Variants in RALGAPA1 observed in about 807,000 individuals in gnomAD.
RALGAPA1 encodes the protein ral GTPase-activating protein subunit alpha-1.
RALGAPA1 carries 52 observed loss-of-function variants against 269.6 expected under a neutral mutation model. That is an observed-to-expected ratio of 0.19 (90% confidence interval 0.15 to 0.24). The LOEUF (loss-of-function observed/expected upper bound fraction) is 0.24. RALGAPA1 is among the 10% of genes least tolerant of loss of function. The pLI is 1.00. For synonymous variants in RALGAPA1, 817 were observed against 1,008.3 expected, an observed-to-expected ratio of 0.81 and a Z score of 3.60; for missense variants, 1,917 against 3,013.9, an observed-to-expected ratio of 0.64 and a Z score of 8.52.
chr14:35,673,254 T>C (rs1340211345), intron 24 of RALGAPA1, among the ~76,000 whole-genome samples: 1 of 152,170 alleles, frequency 6.6e-6, no homozygotes, highest in Non-Finnish European at 1.5e-5. Flanking sequence ...ATATCAATAC[T>C]TAAAATAATT....
At chr14:35,797,351 C>CAA (rs530576211) in intron 1 of RALGAPA1, among the ~76,000 whole-genome samples, 5 of 60,118 alleles carry the variant, frequency 8.3e-5, no homozygotes, top group African/African-American at 1.5e-4. Context: ...GACTCCGTCT[C>CAA]AAAAAAAAAA....
At chr14:35,600,060 C>T (rs151196790) in intron 36 of RALGAPA1, among the ~76,000 whole-genome samples, 225 of 151,602 alleles carry the variant, frequency 1.5e-3, no homozygotes, top group African/African-American at 5.2e-3. Flanking sequence ...GCACTTTCTT[C>T]AAGTATTTCC....
chr14:35,769,502 A>G (rs1183372829), intron 4 of RALGAPA1, among the ~76,000 whole-genome samples: 4 of 152,210 alleles, frequency 2.6e-5, no homozygotes, highest in Non-Finnish European at 5.9e-5. Context: ...CCTGGGTGAC[A>G]GGATCAGTCA....
At chr14:35,754,089 C>T (rs1217016009) in intron 7 of RALGAPA1, among the ~76,000 whole-genome samples, 3 of 152,082 alleles carry the variant, frequency 2.0e-5, no homozygotes, top group African/African-American at 7.2e-5. Flanking sequence ...GCTCATACAT[C>T]AGAATTAGCT....
intron 8 of RALGAPA1, among the ~76,000 whole-genome samples, chr14:35,751,446 C>T (rs1010623816): frequency 4.0e-5 from 6 of 151,882 alleles, no homozygotes; most frequent in Non-Finnish European, 7.4e-5. Flanking sequence ...GGTGGGCTAA[C>T]TTTTATAATT....
chr14:35,714,444 A>C (rs1382045768), intron 16 of RALGAPA1, among the ~76,000 whole-genome samples: 1 of 152,202 alleles, frequency 6.6e-6, no homozygotes, highest in Non-Finnish European at 1.5e-5. Context: ...AGAAATGTCC[A>C]TTCAAATCCT....
At chr14:35,708,179 C>T (rs1188950239) in intron 16 of RALGAPA1, among the ~76,000 whole-genome samples, 1 of 152,016 alleles carries the variant, frequency 6.6e-6, no homozygotes, top group Non-Finnish European at 1.5e-5. Flanking sequence ...TTTGGGGAAA[C>T]TCTCCAGGAC....
intron 27 of RALGAPA1, among the ~76,000 whole-genome samples, chr14:35,661,767 T>C (rs1007151837): frequency 2.0e-5 from 3 of 152,158 alleles, no homozygotes; most frequent in African/African-American, 7.2e-5. Flanking sequence ...GTCCAATTGA[T>C]AGGAATTTGA....
At chr14:35,753,593 CT>C (rs2072921800) in intron 7 of RALGAPA1, among the ~76,000 whole-genome samples, 1 of 152,118 alleles carries the variant, frequency 6.6e-6, no homozygotes, top group Non-Finnish European at 1.5e-5. Flanking sequence ...TCAATAAAGA[CT>C]ACATATTGTA....
chr14:35,605,160 T>A (rs1341637817), intron 36 of RALGAPA1, among the ~76,000 whole-genome samples: 1 of 152,112 alleles, frequency 6.6e-6, no homozygotes, highest in Non-Finnish European at 1.5e-5. Context: ...ACAAAGTAAA[T>A]GAGAGACAAG....
intron 27 of RALGAPA1, 58 bp downstream of exon 27, chr14:35,664,584 A>C: frequency 1.5e-6 from 2 of 1,365,694 alleles, no homozygotes; most frequent in South Asian, 2.6e-5. Flanking sequence ...ATTTTATTGC[A>C]TATACTTTAT....
chr14:35,791,346 A>G (rs778681016), intron 1 of RALGAPA1, among the ~76,000 whole-genome samples: 3 of 152,138 alleles, frequency 2.0e-5, no homozygotes, highest in Non-Finnish European at 4.4e-5. Flanking sequence ...TTAAAAAGGT[A>G]TAATCCCAGC....
Position 35,663,437 on chromosome 14 carries a change from A to C in RALGAPA1, c.5328+1205T>G, listed in dbSNP as rs563010425. Among the ~76,000 whole-genome samples, 21 of 152,114 alleles carry C rather than the reference A, an allele frequency of 1.4e-4. 1 individual carries two copies. The highest frequency in any genetic ancestry group is 1.0e-3 in the South Asian group (5 of 4,816). ...CAAGTTTTAAAAAAAACAAAAACAA[A>C]AAAAAAAACACATCTGCTTAGCCCC... On this transcript the variant is annotated intron_variant, in intron 27 of 41. Coordinates refer to ENST00000680220, the MANE Select transcript of RALGAPA1 (RefSeq NM_001346249.2).
At chr14:35,786,623 A>AAAAAAAC (rs1357870581) in intron 1 of RALGAPA1, among the ~76,000 whole-genome samples, 6 of 152,154 alleles carry the variant, frequency 3.9e-5, no homozygotes, top group Non-Finnish European at 7.4e-5. Flanking sequence ...TCCGTCTCAA[A>AAAAAAAC]AAAAAACAAA....
chr14:35,713,041 A>G (rs1435528070), intron 16 of RALGAPA1, among the ~76,000 whole-genome samples: 1 of 152,230 alleles, frequency 6.6e-6, no homozygotes, highest in Non-Finnish European at 1.5e-5. Flanking sequence ...TTTCAATTTT[A>G]TCCCAAGAGC....
At chr14:35,575,718 C>T (rs2057512305) in intron 37 of RALGAPA1, among the ~76,000 whole-genome samples, 1 of 152,118 alleles carries the variant, frequency 6.6e-6, no homozygotes, top group African/African-American at 2.4e-5. Flanking sequence ...CCTCAGCTTC[C>T]CAAGTAGCTG....
intron 10 of RALGAPA1, among the ~76,000 whole-genome samples, chr14:35,743,456 G>C (rs2071757997): frequency 6.6e-6 from 1 of 152,076 alleles, no homozygotes; most frequent in Admixed American, 6.6e-5. Flanking sequence ...TCTTACAAAG[G>C]TCAATATAAA....
chr14:35,758,622 C>G (rs1482820693), intron 6 of RALGAPA1, among the ~76,000 whole-genome samples: 7 of 152,208 alleles, frequency 4.6e-5, no homozygotes, highest in Admixed American at 4.6e-4. Context: ...TCTGCAGTCC[C>G]AGCTACTTGG....
At chr14:35,687,263 T>A (rs1429487923) in intron 18 of RALGAPA1, among the ~76,000 whole-genome samples, 1 of 152,220 alleles carries the variant, frequency 6.6e-6, no homozygotes, top group African/African-American at 2.4e-5. Flanking sequence ...TATTATTATT[T>A]TTACCATTTA....
Sources: allele counts gnomAD v4.1 joint callset (sites outside exome capture counted in the v4.1 genomes callset), GRCh38; gene constraint gnomAD v4.1.1; transcripts MANE v1.5; gene names NCBI Gene and HGNC (gene_info 2026-07-23, HGNC 2026-07-21).